The following CES2 variants were observed in gnomAD, a reference collection of about 807,000 sequenced individuals.
CES2 encodes the protein carboxylesterase 2.
In CES2, 42 loss-of-function variants were observed where a neutral mutation model predicts 52.1. That is an observed-to-expected ratio of 0.81 (90% CI 0.63 to 1.04). The LOEUF (loss-of-function observed/expected upper bound fraction) is 1.04, where lower values mean the gene tolerates loss of function less well. CES2 is among the 50% of genes least tolerant of loss of function. The pLI is 0.00. For synonymous variants in CES2, 277 were observed against 289.6 expected (o/e 0.96, Z 0.44); for missense variants, 656 against 724.3 (o/e 0.91, Z 1.08).
Position 66,943,913 on chromosome 16 carries a change from A to G in CES2, c.1568A>G (p.Gln523Arg), listed in dbSNP as rs750151283. The change falls in exon 12 of 12, where the codon CAG becomes CGG. Residue 523 changes from glutamine (Q) to arginine (R), a missense_variant. Gln to Arg is a conservative substitution (Grantham distance 43). Coordinates refer to ENST00000317091, the MANE Select transcript of CES2 (RefSeq NM_001365405.1). This position sits in a 1 kb window ranked among gnomAD's most constrained non-coding sequence, Gnocchi z 4.2. ...QEEQYLQLNL[Q>R]PAVGRALKAH... ...GAGCAATACCTGCAGCTGAACCTACAGCCTGCGGTGGGCCGGGCTCTGAAG... is the reference window on the plus strand; with the variant it reads ...GAGCAATACCTGCAGCTGAACCTACGGCCTGCGGTGGGCCGGGCTCTGAAG... 6.2e-6 allele frequency: 10 copies of G among 1,610,450 alleles called. No homozygotes were observed. Among genetic ancestry groups the G allele is most frequent in the Non-Finnish European group, 8.5e-6 (10 of 1,177,402 alleles).
chr16:66,943,878 C>G lies in CES2; in HGVS notation c.1533C>G (p.Phe511Leu). The G allele has an allele frequency of 6.2e-7, 1 of 1,606,582 alleles. No homozygotes were observed. The highest frequency in any genetic ancestry group is 1.1e-5 in the South Asian group (1 of 90,450). ...NGEGLPHWPLFDQEEQYLQLN... is the reference protein window; with the variant it reads ...NGEGLPHWPLLDQEEQYLQLN... ...AGGGTCTGCCACACTGGCCGCTGTT[C>G]GACCAGGAGGAGCAATACCTGCAGC... is the stretch of plus-strand genomic sequence containing the variant. The change falls in exon 12 of 12, where the codon TTC (phenylalanine) becomes TTG (leucine). Residue 511 changes from phenylalanine to leucine, a missense_variant. Physicochemically the swap from Phe to Leu is conservative, Grantham distance 22 (BLOSUM62 0). Coordinates refer to ENST00000317091, the MANE Select transcript of CES2 (RefSeq NM_001365405.1). The surrounding 1 kb of genome is among the most constrained non-coding windows in gnomAD (Gnocchi z 4.2).
chr16:66,944,125 A>G lies in CES2; in HGVS notation c.*100A>G, dbSNP rs1282408438. 65 of 561,504 alleles carry G rather than the reference A, an allele frequency of 1.2e-4. 1 individual carries two copies. In the East Asian group the frequency reaches 2.0e-3, roughly 17 times the overall value. 34.8% of individuals were successfully genotyped at this position (561,504 alleles called of 1,614,324 possible). A position where few individuals can be genotyped will look rare whatever the true frequency, so the allele number is the denominator to read the frequency against. On this transcript the variant is annotated 3_prime_UTR_variant, in exon 12 of 12. Coordinates refer to ENST00000317091, the MANE Select transcript of CES2 (RefSeq NM_001365405.1). ...TAAGGAGAAAGAAGTTGATTCCTTC[A>G]TTCACTTCGCCATTCATTCATACTT... is the stretch of plus-strand genomic sequence containing the variant.
Position 66,943,771 on chromosome 16 carries a change from G to A in CES2, c.1494-68G>A. 7.5e-7 allele frequency: 1 copy of A among 1,337,924 alleles called. No individual in the cohort carries two copies. The highest frequency in any genetic ancestry group is 1.0e-6 in the Non-Finnish European group (1 of 973,024). 82.9% of individuals were successfully genotyped at this position (1,337,924 alleles called of 1,614,324 possible). On this transcript the variant is annotated intron_variant, in intron 11 of 11. Transcript: ENST00000317091. The surrounding 1 kb of genome is among the most constrained non-coding windows in gnomAD (Gnocchi z 4.2). ...TGCCTTGCCTGACCAGACTCAGGGT[G>A]CTCAGGTCTGGGCTTCGGGGGCCCA... is the stretch of plus-strand genomic sequence containing the variant.
At chr16:66,935,832 C>A (rs575360275) in intron 1 of CES2, 121 bp downstream of exon 1, 4 of 1,563,428 alleles carry the variant, frequency 2.6e-6, no homozygotes. Context: ...GAGATGACAG[C>A]GTGGAACTCG....
At chr16:66,936,389 G>C (rs780624941) in intron 1 of CES2, among the ~76,000 whole-genome samples, 15 of 152,322 alleles carry the variant, frequency 9.8e-5, no homozygotes, top group Non-Finnish European at 1.6e-4. Flanking sequence ...GTGGGCTGTG[G>C]TGGTCTGTGA....
intron 1 of CES2, chr16:66,936,003 G>C: frequency 7.3e-7 from 1 of 1,363,742 alleles, no homozygotes. Context: ...CGGAGTGGGT[G>C]AGGGATTGGG....
At position 66,942,681 on chromosome 16, in the gene CES2, A is replaced by G; in HGVS notation, c.1316A>G (p.Gln439Arg). Residue 439 changes from glutamine to arginine, a missense_variant, in exon 10 of 12, where the codon CAG becomes CGG. Transcript: ENST00000317091. Reference protein sequence around the residue: ...SRAPVYFYEFQHQPSWLKNIR... With the variant: ...SRAPVYFYEFRHQPSWLKNIR... The stretch of plus-strand genomic sequence containing the variant: ...GCCCCTGTGTACTTCTACGAGTTCC[A>G]GCATCAGCCCAGCTGGCTCAAGAAC... The G allele has an allele frequency of 6.2e-7, 1 of 1,614,218 alleles. No homozygotes were observed. Among genetic ancestry groups the G allele is most frequent in the Non-Finnish European group, 8.5e-7 (1 of 1,180,036 alleles).
At chr16:66,939,422 G>T in intron 3 of CES2, 64 bp downstream of exon 3, 1 of 1,545,624 alleles carries the variant, frequency 6.5e-7, no homozygotes, top group South Asian at 1.1e-5. Flanking sequence ...AGCTGAAAAG[G>T]ACAATATTAG....
At position 66,936,984 on chromosome 16, in the gene CES2, C is replaced by G. The variant is rs182169330; in HGVS notation, c.77-1053C>G. 3.0e-3 allele frequency among the ~76,000 whole-genome samples: 450 copies of G among 150,184 alleles called. 2 individuals carry two copies. Among genetic ancestry groups the G allele is most frequent in the Non-Finnish European group, 3.2e-3 (214 of 67,718 alleles). Reference sequence around the variant, plus strand: ...ATCACTTGAGGCTAGGAGTTAGAGACCAGCTTGGGCAACAAGACTTGTCTC... The same window carrying G: ...ATCACTTGAGGCTAGGAGTTAGAGAGCAGCTTGGGCAACAAGACTTGTCTC... On this transcript the variant is annotated intron_variant, in intron 1 of 11. Coordinates refer to ENST00000317091, the MANE Select transcript of CES2 (RefSeq NM_001365405.1).
rs1238247646 is a variant in CES2 at position 66,944,298 on chromosome 16, C to A, written c.*273C>A. The A allele has an allele frequency of 1.2e-5, 3 of 257,474 alleles. No homozygotes were observed. The highest frequency in any genetic ancestry group is 6.3e-5 in the East Asian group (1 of 15,820). The allele number at this position is 257,474 out of a possible 1,614,324, so 15.9% of individuals were successfully genotyped here. ...GACCAGCCAGGGCAACACAGTGAGA[C>A]CCCTTCTCAAAAAAAAAAAAAAAAA... On this transcript the variant is annotated 3_prime_UTR_variant, in exon 12 of 12. Coordinates refer to ENST00000317091, the MANE Select transcript of CES2 (RefSeq NM_001365405.1).
Position 66,943,230 on chromosome 16 carries a change from G to C in CES2, c.1421-69G>C. 1 of 1,545,972 alleles carries C rather than the reference G, an allele frequency of 6.5e-7. No homozygotes were observed. The highest frequency in any genetic ancestry group is 8.9e-7 in the Non-Finnish European group (1 of 1,123,976). On this transcript the variant is annotated intron_variant, in intron 10 of 11. Transcript: ENST00000317091. The surrounding 1 kb of genome is among the most constrained non-coding windows in gnomAD (Gnocchi z 4.2). ...GGGGACCGAGGTCTCGGGGGCCAAG[G>C]ACGAGCTCCACCTGGGATGCTGAGG...
In CES2 at chr16:66,937,040, A is replaced by T. The variant is rs551148126; in HGVS notation, c.77-997A>T. On this transcript the variant is annotated intron_variant, in intron 1 of 11. Transcript: ENST00000317091. ...AAAAAAAAAAAAAAAAAAGTCAAGCATGGTGGCAGACAGCTGTACTCCAAG... is the reference window on the plus strand; with the variant it reads ...AAAAAAAAAAAAAAAAAAGTCAAGCTTGGTGGCAGACAGCTGTACTCCAAG... Among the ~76,000 whole-genome samples, 163 of 150,640 alleles carry T rather than the reference A, an allele frequency of 1.1e-3. No homozygotes were observed. The Middle Eastern group carries it at 0.017, about 16-fold the overall frequency.
Position 66,942,260 on chromosome 16 carries a change from T to C in CES2, c.1282+11T>C, listed in dbSNP as rs1321739846. 2 of 1,602,616 alleles carry C rather than the reference T, an allele frequency of 1.2e-6. No individual in the cohort carries two copies. The highest frequency in any genetic ancestry group is 2.2e-5 in the East Asian group (1 of 44,634). ...TAGCACATTTTCAGTGTGAGTATAT[T>C]TGGACCAAAGCCTGGCGGGCAGGGT... On this transcript the variant is annotated intron_variant, in intron 9 of 11. Coordinates refer to ENST00000317091, the MANE Select transcript of CES2 (RefSeq NM_001365405.1).
At chr16:66,934,654 G>A (rs1597001587), upstream of CES2, 6 of 423,386 alleles carry the variant, frequency 1.4e-5, no homozygotes, top group Non-Finnish European at 2.5e-5. The surrounding 1 kb of genome is among the most constrained non-coding windows in gnomAD (Gnocchi z 4.1). Flanking sequence ...AGGTCTCAGG[G>A]GGCACTAAAG....
At chr16:66,940,898 G>A (rs970272823) in intron 5 of CES2, among the ~76,000 whole-genome samples, 6 of 152,224 alleles carry the variant, frequency 3.9e-5, no homozygotes, top group African/African-American at 1.4e-4. Flanking sequence ...TGTGGCTCCT[G>A]TGCAAAGTTG....
chr16:66,940,643 G>T lies in CES2; in HGVS notation c.764G>T (p.Gly255Val), dbSNP rs780237910. ...GLFHGAIMES[G>V]VALLPGLIAS... Reference sequence around the variant, plus strand: ...TTCCACGGAGCCATCATGGAGAGTGGCGTGGCCCTCCTGCCCGGCCTCATT... The same window carrying T: ...TTCCACGGAGCCATCATGGAGAGTGTCGTGGCCCTCCTGCCCGGCCTCATT... Residue 255 changes from glycine to valine, a missense_variant, in exon 5 of 12, where the codon GGC becomes GTC. Physicochemically the swap from Gly to Val is moderately radical, Grantham distance 109. Coordinates refer to ENST00000317091, the MANE Select transcript of CES2 (RefSeq NM_001365405.1). The T allele has an allele frequency of 2.0e-5, 33 of 1,614,142 alleles. No homozygotes were observed. The highest frequency in any genetic ancestry group is 1.6e-4 in the Middle Eastern group (1 of 6,084).
At chr16:66,942,292 C>G in intron 9 of CES2, 43 bp downstream of exon 9, 1 of 1,568,008 alleles carries the variant, frequency 6.4e-7, no homozygotes, top group Middle Eastern at 1.7e-4. Context: ...GGGTACAGCT[C>G]AGGGCTGTGG....
chr16:66,934,605 T>G, upstream of CES2: 1 of 581,762 alleles, frequency 1.7e-6, no homozygotes, highest in Non-Finnish European at 2.9e-6. The surrounding 1 kb of genome is among the most constrained non-coding windows in gnomAD (Gnocchi z 4.1). Context: ...CGCTGGGTCG[T>G]GCGAGCCAGT....
chr16:66,943,517 CA>C lies in CES2; in HGVS notation c.1493+147del. ...TCCCCAGCTCCGGGACCCACTCAGA[CA>C]GGGTGGGGGTGCGTGGGGCAGTGGA... On this transcript the variant is annotated intron_variant, in intron 11 of 11. Coordinates refer to ENST00000317091, the MANE Select transcript of CES2 (RefSeq NM_001365405.1). The surrounding 1 kb of genome is among the most constrained non-coding windows in gnomAD (Gnocchi z 4.2). The C allele has an allele frequency of 1.2e-6, 1 of 837,432 alleles. No individual in the cohort carries two copies. Among genetic ancestry groups the C allele is most frequent in the Admixed American group, 2.2e-5 (1 of 46,170 alleles). 51.9% of individuals were successfully genotyped at this position (837,432 alleles called of 1,614,324 possible).
Sources: gnomAD v4.1 joint callset for allele counts (sites outside exome capture counted in the v4.1 genomes callset) on GRCh38, gnomAD v4.1.1 for gene constraint, Gnocchi (gnomAD v3.1) non-coding constraint, MANE v1.5 for transcripts, NCBI Gene and HGNC (gene_info 2026-07-23, HGNC 2026-07-21) for gene names.